EPG5: variants seen among roughly 807,000 people sequenced by gnomAD.
EPG5 encodes the protein ectopic P granules protein 5 homolog.
In EPG5, 159 loss-of-function variants were observed where a neutral mutation model predicts 302.7. The ratio of observed to expected loss-of-function variants is 0.53; its 90% CI spans 0.46 to 0.60. EPG5 has a LOEUF of 0.60. EPG5 is among the 20% of genes least tolerant of loss of function. EPG5 has a pLI of 0.00. For synonymous variants in EPG5, 1,158 were observed against 1,136.8 expected (o/e 1.02, Z -0.37); for missense variants, 2,896 against 3,092.4 (o/e 0.94, Z 1.51).
At chr18:45,812,818 A>G in the EPG5 span, among the ~76,000 whole-genome samples, 1 of 152,234 alleles carries the variant, frequency 6.6e-6, no homozygotes, top group Non-Finnish European at 1.5e-5. Context: ...TAAAAACCCT[A>G]AAAGAAAACC....
At chr18:45,958,634 CCTTAT>C (rs1216667459) in intron 1 of EPG5, among the ~76,000 whole-genome samples, 1 of 152,180 alleles carries the variant, frequency 6.6e-6, no homozygotes, top group East Asian at 1.9e-4. Flanking sequence ...TGGACCCTTA[CCTTAT>C]ATCATATACA....
chr18:45,837,788 G>C, the EPG5 span: 1 of 1,523,072 alleles, frequency 6.6e-7, no homozygotes, highest in South Asian at 1.2e-5. Flanking sequence ...GCTGCGCGTC[G>C]AGCGCCTCGC....
At chr18:45,926,997 T>C (rs566525979) in intron 13 of EPG5, among the ~76,000 whole-genome samples, 1 of 151,866 alleles carries the variant, frequency 6.6e-6, no homozygotes, top group Non-Finnish European at 1.5e-5. Flanking sequence ...TTTATCTCAA[T>C]ATAATCATCT....
intron 34 of EPG5, among the ~76,000 whole-genome samples, chr18:45,876,926 G>C (rs765697974): frequency 3.3e-5 from 5 of 152,060 alleles, no homozygotes; most frequent in Non-Finnish European, 5.9e-5. Flanking sequence ...TGGGGTTGCA[G>C]GCACCGACCA....
chr18:45,869,076 G>C (rs2048815257), intron 36 of EPG5, among the ~76,000 whole-genome samples: 1 of 150,866 alleles, frequency 6.6e-6, no homozygotes, highest in African/African-American at 2.4e-5. Context: ...AAAAATTAGA[G>C]AATGAGGAAC....
chr18:45,856,400 G>A (rs1264204828), intron 42 of EPG5, among the ~76,000 whole-genome samples: 2 of 152,190 alleles, frequency 1.3e-5, no homozygotes, highest in Non-Finnish European at 2.9e-5. Context: ...GGGATTAAAG[G>A]GAATGGAGGT....
intron 11 of EPG5, 55 bp from the exon 12 acceptor site, chr18:45,930,885 T>C: frequency 7.0e-7 from 1 of 1,436,850 alleles, no homozygotes; most frequent in Non-Finnish European, 9.4e-7. Context: ...TTATATCTTT[T>C]AATCACTCTT....
intron 13 of EPG5, among the ~76,000 whole-genome samples, chr18:45,927,395 T>C (rs1416908885): frequency 6.6e-6 from 1 of 152,186 alleles, no homozygotes; most frequent in Non-Finnish European, 1.5e-5. Context: ...GAAAACAGTA[T>C]GATGGCTCCT....
the EPG5 span, among the ~76,000 whole-genome samples, chr18:45,841,637 G>A: frequency 2.6e-5 from 4 of 152,198 alleles, no homozygotes; most frequent in Non-Finnish European, 5.9e-5. Context: ...AGCACACAGT[G>A]TGAGAGGGAG....
intron 19 of EPG5, 36 bp downstream of exon 19, chr18:45,915,973 A>G: frequency 1.9e-6 from 3 of 1,551,362 alleles, no homozygotes; most frequent in South Asian, 2.4e-5. Flanking sequence ...TATCTAGCCA[A>G]TCACTGAAAG....
At chr18:45,914,634 G>A (rs150425550) in intron 20 of EPG5, among the ~76,000 whole-genome samples, 251 of 152,346 alleles carry the variant, frequency 1.6e-3, no homozygotes, top group African/African-American at 5.7e-3. Flanking sequence ...GAAAACTGAG[G>A]ACAGATAGGT....
chr18:45,830,209 G>A, the EPG5 span, among the ~76,000 whole-genome samples: 1 of 152,246 alleles, frequency 6.6e-6, no homozygotes, highest in Non-Finnish European at 1.5e-5. Flanking sequence ...TTGGTCAGCT[G>A]TGGCAAAACC....
chr18:45,800,608 G>A, the EPG5 span, among the ~76,000 whole-genome samples: 5 of 152,228 alleles, frequency 3.3e-5, no homozygotes, highest in African/African-American at 7.2e-5. Flanking sequence ...TTTATTGATC[G>A]ATAACTGCAC....
chr18:45,838,739 T>A, the EPG5 span: 1 of 1,579,944 alleles, frequency 6.3e-7, no homozygotes, highest in South Asian at 1.1e-5. Context: ...ATCGTCAACA[T>A]CTCGGTGCTG....
the EPG5 span, among the ~76,000 whole-genome samples, chr18:45,820,058 G>A: frequency 1.3e-5 from 2 of 152,138 alleles, no homozygotes; most frequent in Non-Finnish European, 2.9e-5. Context: ...CCCATCTGGT[G>A]CAGAAACTGT....
At chr18:45,877,411 T>A (rs1357675415) in intron 34 of EPG5, among the ~76,000 whole-genome samples, 2 of 152,054 alleles carry the variant, frequency 1.3e-5, no homozygotes, top group Non-Finnish European at 2.9e-5. Context: ...AGAGTGAGAC[T>A]CTGTCTTAAA....
the EPG5 span, among the ~76,000 whole-genome samples, chr18:45,812,404 T>C: frequency 3.9e-5 from 6 of 152,112 alleles, no homozygotes; most frequent in Admixed American, 2.0e-4. Flanking sequence ...CTTCACAGAA[T>C]TGGAAAAAAC....
downstream of EPG5, among the ~76,000 whole-genome samples, chr18:45,846,887 G>A (rs902202200): frequency 6.6e-6 from 1 of 152,214 alleles, no homozygotes; most frequent in Non-Finnish European, 1.5e-5. Flanking sequence ...GCTGTCTTCA[G>A]AAGAGAAGCA....
intron 12 of EPG5, 101 bp from the exon 13 acceptor site, chr18:45,929,110 A>T: frequency 8.1e-7 from 1 of 1,229,662 alleles, no homozygotes; most frequent in Non-Finnish European, 1.1e-6. Flanking sequence ...AGAATCTTAC[A>T]TTGAGCCTTA....
Sources: allele counts gnomAD v4.1 joint callset (sites outside exome capture counted in the v4.1 genomes callset), GRCh38; gene constraint gnomAD v4.1.1; transcripts MANE v1.5; gene names NCBI Gene and HGNC (gene_info 2026-07-23, HGNC 2026-07-21).